NECTIN3: variants seen among roughly 807,000 people sequenced by gnomAD.
NECTIN3 encodes the protein nectin cell adhesion molecule 3.
A neutral mutation model predicts 49.4 loss-of-function variants in NECTIN3; 8 were observed. The ratio of observed to expected loss-of-function variants is 0.16; its 90% CI spans 0.10 to 0.29. The LOEUF (loss-of-function observed/expected upper bound fraction) is 0.29, where lower values mean the gene tolerates loss of function less well. NECTIN3 is among the 10% of genes least tolerant of loss of function. NECTIN3 has a pLI of 1.00. For missense variants in NECTIN3, 581 were observed against 654.6 expected (o/e 0.89, Z 1.23); for synonymous variants, 277 against 241.1 (o/e 1.15, Z -1.38).
chr3:111,168,679 A>G (rs2035370606), intron 7 of NECTIN3, among the ~76,000 whole-genome samples: 1 of 152,182 alleles, frequency 6.6e-6, no homozygotes, highest in South Asian at 2.1e-4. Context: ...TGGGAGGACA[A>G]TTCACAAGCT....
At chr3:111,076,259 G>T (rs910414946) in intron 1 of NECTIN3, among the ~76,000 whole-genome samples, 7 of 152,066 alleles carry the variant, frequency 4.6e-5, no homozygotes, top group Non-Finnish European at 1.0e-4. Flanking sequence ...AGCTGGTTAT[G>T]AAAATCCTTG....
At chr3:111,124,313 T>C (rs975659539) in intron 4 of NECTIN3, among the ~76,000 whole-genome samples, 1 of 152,144 alleles carries the variant, frequency 6.6e-6, no homozygotes, top group African/African-American at 2.4e-5. Context: ...TCATAGAGTT[T>C]TTGTGAGGTA....
Position 111,118,841 on chromosome 3 carries a change from C to G in NECTIN3, c.688C>G (p.Gln230Glu), listed in dbSNP as rs529321606. The G allele has an allele frequency of 2.3e-5, 37 of 1,614,088 alleles. 1 individual carries two copies. In the South Asian group the frequency reaches 3.8e-4, roughly 17 times the overall value. Residue 230 changes from glutamine to glutamate, a missense_variant, in exon 3 of 6, where the codon CAG becomes GAG. This residue lies in a region of NECTIN3 where 234 missense variants were observed against 340.6 expected (regional missense o/e 0.69). Coordinates refer to ENST00000485303, the MANE Select transcript of NECTIN3 (RefSeq NM_015480.3). ...FPNETATIIS[Q>E]YKLFPTRFAR... ...AAATGAAACGGCAACGATTATCAGCCAGTACAAGCTATTTCCAACCAGATT... is the reference window on the plus strand; with the variant it reads ...AAATGAAACGGCAACGATTATCAGCGAGTACAAGCTATTTCCAACCAGATT...
At chr3:111,172,410 T>C (rs925876353) in intron 7 of NECTIN3, among the ~76,000 whole-genome samples, 1 of 152,190 alleles carries the variant, frequency 6.6e-6, no homozygotes, top group Non-Finnish European at 1.5e-5. Context: ...ATAAAAATAA[T>C]ATCATTTCCA....
At chr3:111,106,117 A>G (rs1160523065) in intron 1 of NECTIN3, among the ~76,000 whole-genome samples, 1 of 151,422 alleles carries the variant, frequency 6.6e-6, no homozygotes, top group Non-Finnish European at 1.5e-5. Context: ...TATTGATGCT[A>G]CTGAATTTAA....
chr3:111,175,652 C>T (rs2035513976), intron 7 of NECTIN3, among the ~76,000 whole-genome samples: 1 of 152,056 alleles, frequency 6.6e-6, no homozygotes, highest in Non-Finnish European at 1.5e-5. Context: ...GACACAGAAC[C>T]ACAATTCTCA....
At chr3:111,155,295 G>A (rs974958131) in intron 7 of NECTIN3, among the ~76,000 whole-genome samples, 3 of 152,184 alleles carry the variant, frequency 2.0e-5, no homozygotes, top group African/African-American at 7.2e-5. Context: ...TGATAACAAT[G>A]TAGTGCCATG....
intron 5 of NECTIN3, among the ~76,000 whole-genome samples, chr3:111,143,622 G>C (rs2034803471): frequency 6.6e-6 from 1 of 151,916 alleles, no homozygotes; most frequent in African/African-American, 2.4e-5. Context: ...TGCTAGTTCT[G>C]TAACTTTGCC....
intron 6 of NECTIN3, among the ~76,000 whole-genome samples, chr3:111,146,323 A>T (rs1356758405): frequency 6.6e-6 from 1 of 150,720 alleles, no homozygotes; most frequent in Non-Finnish European, 1.5e-5. Flanking sequence ...AGTCCCAGCT[A>T]CTTGGGAGGC....
At chr3:111,131,951 T>C (rs1387098826) in intron 5 of NECTIN3, among the ~76,000 whole-genome samples, 1 of 151,884 alleles carries the variant, frequency 6.6e-6, no homozygotes, top group Non-Finnish European at 1.5e-5. Flanking sequence ...TTGCAAATCA[T>C]TGTAAGGATG....
chr3:111,142,129 T>C (rs1185362068), downstream of NECTIN3, among the ~76,000 whole-genome samples: 5 of 151,956 alleles, frequency 3.3e-5, no homozygotes, highest in Non-Finnish European at 5.9e-5. Flanking sequence ...AGCTCCTCCT[T>C]TGCTTTCATA....
intron 1 of NECTIN3, among the ~76,000 whole-genome samples, chr3:111,086,931 A>G (rs1212836441): frequency 6.6e-6 from 1 of 152,094 alleles, no homozygotes. Flanking sequence ...GACATCTTAT[A>G]TAACTGTAAA....
chr3:111,115,103 T>C (rs1443045218), intron 2 of NECTIN3, among the ~76,000 whole-genome samples: 1 of 152,204 alleles, frequency 6.6e-6, no homozygotes, highest in Non-Finnish European at 1.5e-5. Context: ...CCGTGGCCTC[T>C]AAACACTATG....
chr3:111,155,217 G>A (rs919848026), intron 7 of NECTIN3, among the ~76,000 whole-genome samples: 6 of 152,202 alleles, frequency 3.9e-5, no homozygotes, highest in South Asian at 2.1e-4. Context: ...GATTACAGGC[G>A]TGAGCCGCCA....
intron 1 of NECTIN3, chr3:111,193,633 C>T (rs1222418549): frequency 3.0e-5 from 14 of 463,354 alleles, no homozygotes; most frequent in Non-Finnish European, 4.6e-5. Context: ...TAACTGCTAA[C>T]ATTTGGCCTA....
chr3:111,134,065 T>C lies in NECTIN3; in HGVS notation c.1500T>C (p.Asn500=). ...PEKTQWNNVE[N]LNRFERPMDY... ...AAACTCAGTGGAACAATGTAGAAAA[T>C]CTCAATAGGTTTGAAAGACCAATGG... Residue 500 remains asparagine, a synonymous_variant, in exon 6 of 6, where the codon AAT becomes AAC. Coordinates refer to ENST00000485303, the MANE Select transcript of NECTIN3 (RefSeq NM_015480.3). The C allele has an allele frequency of 6.2e-7, 1 of 1,613,542 alleles. No individual in the cohort carries two copies. The highest frequency in any genetic ancestry group is 1.3e-5 in the African/African-American group (1 of 75,010).
intron 7 of NECTIN3, among the ~76,000 whole-genome samples, chr3:111,166,002 A>G (rs947943557): frequency 6.6e-6 from 1 of 152,210 alleles, no homozygotes; most frequent in African/African-American, 2.4e-5. Flanking sequence ...AGGCTTGGTT[A>G]TGCTGCAAGA....
In NECTIN3 at chr3:111,112,380, G is replaced by A. The variant is rs1370953114; in HGVS notation, c.502+9G>A. On this transcript the variant is annotated intron_variant, in intron 2 of 5. Coordinates refer to ENST00000485303, the MANE Select transcript of NECTIN3 (RefSeq NM_015480.3). ...AACTGTAACTGTGTTAGGTAGGTAT[G>A]CTTGAATTATGTATTTTGGTGATAG... 6.8e-7 allele frequency: 1 copy of A among 1,480,608 alleles called. No individual in the cohort carries two copies. The highest frequency in any genetic ancestry group is 1.4e-5 in the African/African-American group (1 of 71,192). 91.7% of individuals were successfully genotyped at this position (1,480,608 alleles called of 1,614,324 possible). A position where few individuals can be genotyped will look rare whatever the true frequency, so the allele number is the denominator to read the frequency against.
chr3:111,132,829 T>C (rs1234616137), intron 5 of NECTIN3, among the ~76,000 whole-genome samples: 1 of 151,948 alleles, frequency 6.6e-6, no homozygotes, highest in African/African-American at 2.4e-5. Context: ...TTCTGAATGT[T>C]TAGATAACTT....
Sources: allele counts gnomAD v4.1 joint callset (sites outside exome capture counted in the v4.1 genomes callset), GRCh38; gene constraint gnomAD v4.1.1; regional missense constraint gnomAD v4.1.1; transcripts MANE v1.5; gene names NCBI Gene and HGNC (gene_info 2026-07-23, HGNC 2026-07-21).